Variants in PER3 observed in about 807,000 individuals in gnomAD.
PER3 encodes period circadian protein homolog 3.
PER3 carries 107 observed loss-of-function variants against 127.2 expected under a neutral mutation model. The observed-to-expected ratio is 0.84, with a 90% CI of 0.72 to 0.99. The LOEUF is 0.99. Ranked by LOEUF, PER3 falls within the 50% of genes least tolerant of loss-of-function variation. The pLI is 0.00. For synonymous variants in PER3, 618 were observed against 585.8 expected (o/e 1.05, Z -0.79); for missense variants, 1,560 against 1,525.8 (o/e 1.02, Z -0.37).
chr1:7,815,171 C>G (rs1371031851), intron 13 of PER3, among the ~76,000 whole-genome samples: 2 of 152,158 alleles, frequency 1.3e-5, no homozygotes, highest in African/African-American at 4.8e-5. Context: ...CAGCTAGTGG[C>G]TGGCATATTT....
Position 7,803,715 on chromosome 1 carries a change from C to T in PER3, c.1003C>T (p.Pro335Ser), listed in dbSNP as rs2097180669. The T allele has an allele frequency of 3.1e-6, 5 of 1,605,598 alleles. No homozygotes were observed. Among genetic ancestry groups the T allele is most frequent in the South Asian group, 2.2e-5 (2 of 90,790 alleles). Residue 335 changes from proline to serine, a missense_variant, in exon 10 of 22, where the codon CCC (proline) becomes TCC (serine). By Grantham distance (74) the Pro-to-Ser change is moderately conservative. Coordinates refer to ENST00000377532, the MANE Select transcript of PER3 (RefSeq NM_001377275.1). ...QKVLKYAGHP[P>S]FEHSPIRFCT... is the part of the protein sequence containing the mutation. Reference sequence around the variant, plus strand: ...AGTTTTGAAGTATGCAGGGCATCCTCCCTTTGAACATTCTCCCATTCGATT... The same window carrying T: ...AGTTTTGAAGTATGCAGGGCATCCTTCCTTTGAACATTCTCCCATTCGATT...
intron 19 of PER3, among the ~76,000 whole-genome samples, chr1:7,834,451 TTTG>T (rs770599529): frequency 5.9e-5 from 9 of 152,144 alleles, no homozygotes; most frequent in South Asian, 2.1e-4. Flanking sequence ...GTGTGAGTGT[TTTG>T]TTGTTGTTGT....
chr1:7,820,196 A>C lies in PER3; in HGVS notation c.1740A>C (p.Glu580Asp), dbSNP rs968328914. 9 of 1,613,966 alleles carry C rather than the reference A, an allele frequency of 5.6e-6. No homozygotes were observed. The highest frequency in any genetic ancestry group is 5.1e-6 in the Non-Finnish European group (6 of 1,179,832). The change falls in exon 15 of 22, where the codon GAA becomes GAC. Residue 580 changes from glutamate (E) to aspartate (D), a missense_variant. This residue lies in a region of PER3 where 1,332 missense variants were observed against 1,223.6 expected (regional missense o/e 1.09). Transcript: ENST00000377532. ...CTNTTSSSSE[E>D]DKQNHKADDV... ...ATACAACTTCTTCCTCCTCAGAAGAAGACAAACAGAACCACAAGGCAGATG... is the reference window on the plus strand; with the variant it reads ...ATACAACTTCTTCCTCCTCAGAAGACGACAAACAGAACCACAAGGCAGATG...
At chr1:7,807,557 G>A (rs906692988) in intron 10 of PER3, among the ~76,000 whole-genome samples, 1 of 152,338 alleles carries the variant, frequency 6.6e-6, no homozygotes, top group East Asian at 1.9e-4. Flanking sequence ...GGGGTCAGAC[G>A]TAGGCGGATT....
At chr1:7,803,563 A>AG in intron 9 of PER3, 129 bp from the exon 10 acceptor site, 1 of 629,922 alleles carries the variant, frequency 1.6e-6, no homozygotes, top group Non-Finnish European at 2.7e-6. Flanking sequence ...ACTCCAGCCT[A>AG]GGCAACAGAG....
In PER3 at chr1:7,827,289, A is replaced by C; in HGVS notation, c.2360A>C (p.His787Pro). The change falls in exon 18 of 22, where the codon CAC (histidine) becomes CCC (proline). Residue 787 changes from histidine (H) to proline (P), a missense_variant. Transcript: ENST00000377532. ...PCCPSAASSP[H>P]TSSPTFPPAA... ...TGCCCCTCCGCGGCCTCCTCTCCGC[A>C]CACCTCGAGCCCGACCTTCCCACCT... 2 of 1,613,732 alleles carry C rather than the reference A, an allele frequency of 1.2e-6. No individual in the cohort carries two copies. The highest frequency in any genetic ancestry group is 1.7e-6 in the Non-Finnish European group (2 of 1,179,856).
At chr1:7,811,488 C>CCT (rs1255432551) in intron 13 of PER3, 1 of 152,190 alleles carries the variant, frequency 6.6e-6, no homozygotes, top group Non-Finnish European at 1.5e-5. Context: ...CTATTTCTTA[C>CCT]AGTTTTGGAG....
rs879726719 is a variant in PER3, at chr1:7,820,471, T to A, written c.1788T>A (p.Gly596=). The A allele has an allele frequency of 4.4e-6, 7 of 1,608,428 alleles. No homozygotes were observed. The highest frequency in any genetic ancestry group is 5.9e-6 in the Non-Finnish European group (7 of 1,177,880). ...KADDVQALQA[G]LQIPAIPKSE... ...CAGTTTCTCTTACACCACCAGCTGG[T>A]TTGCAAATCCCAGCCATACCTAAAT... Residue 596 remains glycine (G), a synonymous_variant, in exon 16 of 22, where the codon GGT becomes GGA. Coordinates refer to ENST00000377532, the MANE Select transcript of PER3 (RefSeq NM_001377275.1).
chr1:7,798,170 C>T (rs1259886222), intron 6 of PER3, among the ~76,000 whole-genome samples: 1 of 152,188 alleles, frequency 6.6e-6, no homozygotes, highest in Non-Finnish European at 1.5e-5. Context: ...TCTTGTGACA[C>T]CTGTTGTAGA....
rs752793103 is a variant in PER3 at position 7,837,067 on chromosome 1, T to A, written c.3467T>A (p.Phe1156Tyr). 1.2e-6 allele frequency: 2 copies of A among 1,613,906 alleles called. No homozygotes were observed. The highest frequency in any genetic ancestry group is 1.7e-6 in the Non-Finnish European group (2 of 1,179,816). ...AGTATGAGGCAGCAGCAGCCCCAGT[T>A]TTCTCATGGGCAAAAGGAGGAGCTG... is the stretch of plus-strand genomic sequence containing the variant. ...LESMRQQQPQ[F>Y]SHGQKEELAK... is the part of the protein sequence containing the mutation. The change falls in exon 21 of 22, where the codon TTT (phenylalanine) becomes TAT (tyrosine). Residue 1156 changes from phenylalanine (F) to tyrosine (Y), a missense_variant. Physicochemically the swap from Phe to Tyr is conservative, Grantham distance 22. Coordinates refer to ENST00000377532, the MANE Select transcript of PER3 (RefSeq NM_001377275.1).
At chr1:7,819,518 T>C in intron 14 of PER3, 98 bp downstream of exon 14, 1 of 1,120,914 alleles carries the variant, frequency 8.9e-7, no homozygotes, top group Non-Finnish European at 1.3e-6. Context: ...TGCTCTGACT[T>C]GGTTTTTCAC....
intron 5 of PER3, among the ~76,000 whole-genome samples, chr1:7,791,382 A>G (rs568099840): frequency 2.0e-5 from 3 of 152,202 alleles, no homozygotes; most frequent in Non-Finnish European, 2.9e-5. Flanking sequence ...GGTCCCTTTT[A>G]GCCATGGCTG....
intron 10 of PER3, among the ~76,000 whole-genome samples, chr1:7,808,598 T>C (rs1329195729): frequency 6.6e-6 from 1 of 152,350 alleles, no homozygotes; most frequent in South Asian, 2.1e-4. Context: ...TTGCTGAAGA[T>C]ATTTTAGTAG....
intron 5 of PER3, among the ~76,000 whole-genome samples, chr1:7,788,788 C>G (rs543226233): frequency 6.6e-6 from 1 of 152,006 alleles, no homozygotes; most frequent in Non-Finnish European, 1.5e-5. Flanking sequence ...CCTGTAATCC[C>G]AGCTACTCAG....
chr1:7,794,915 A>T (rs563372224), intron 6 of PER3, among the ~76,000 whole-genome samples: 26 of 151,500 alleles, frequency 1.7e-4, no homozygotes, highest in African/African-American at 6.3e-4. Flanking sequence ...AAGATGATAT[A>T]ATAATATGTT....
chr1:7,840,651 C>A (rs1217824564), intron 21 of PER3, among the ~76,000 whole-genome samples: 1 of 151,838 alleles, frequency 6.6e-6, no homozygotes, highest in Non-Finnish European at 1.5e-5. Flanking sequence ...AAGACAGTCT[C>A]ACTTTGTCAT....
chr1:7,834,782 A>AT (rs1558479713), intron 19 of PER3, among the ~76,000 whole-genome samples: 1 of 152,108 alleles, frequency 6.6e-6, no homozygotes, highest in African/African-American at 2.4e-5. Context: ...AATGAGGAAA[A>AT]TTTTTTTATT....
chr1:7,793,738 T>C (rs564760173), intron 5 of PER3, among the ~76,000 whole-genome samples: 9 of 152,360 alleles, frequency 5.9e-5, no homozygotes, highest in South Asian at 2.1e-4. Flanking sequence ...CTCACTGTTA[T>C]ACCTGAGGTT....
At chr1:7,814,181 T>C (rs2097235486) in intron 13 of PER3, among the ~76,000 whole-genome samples, 1 of 152,186 alleles carries the variant, frequency 6.6e-6, no homozygotes, top group Non-Finnish European at 1.5e-5. Context: ...CTGTCCAACA[T>C]AGGTGTAATT....
Sources: gnomAD v4.1 joint callset for allele counts (sites outside exome capture counted in the v4.1 genomes callset) on GRCh38, gnomAD v4.1.1 for gene constraint, gnomAD v4.1.1 regional missense constraint, MANE v1.5 for transcripts, NCBI Gene and HGNC (gene_info 2026-07-23, HGNC 2026-07-21) for gene names.